The following DNAJA2 variants were observed in gnomAD, a reference collection of about 807,000 sequenced individuals.
DNAJA2 encodes dnaJ homolog subfamily A member 2.
A neutral mutation model predicts 49.3 loss-of-function variants in DNAJA2; 6 were observed. That is an observed-to-expected ratio of 0.12 (90% confidence interval 0.07 to 0.24). DNAJA2 has a LOEUF of 0.24. DNAJA2 is among the 10% of genes least tolerant of loss of function. The pLI, the probability that DNAJA2 is intolerant of heterozygous loss-of-function variation, is 1.00. For synonymous variants in DNAJA2, 160 were observed against 172.7 expected (o/e 0.93, Z 0.58); for missense variants, 347 against 516.8 (o/e 0.67, Z 3.19).
rs1282161816 is a variant in DNAJA2, at chr16:46,959,135, T to G, written c.920-5A>C. The G allele has an allele frequency of 6.3e-7, 1 of 1,593,480 alleles. No individual in the cohort carries two copies. ...CTCGAACTACACGAACACACCCTAT[T>G]ATTTAAGAGGAAATGATTAATAATT... On this transcript the variant is annotated splice_region_variant and splice_polypyrimidine_tract_variant and intron_variant, in intron 7 of 8. Coordinates refer to ENST00000317089, the MANE Select transcript of DNAJA2 (RefSeq NM_005880.4).
At chr16:46,963,695 C>G (rs1284263397) in intron 6 of DNAJA2, among the ~76,000 whole-genome samples, 1 of 151,998 alleles carries the variant, frequency 6.6e-6, no homozygotes, top group Non-Finnish European at 1.5e-5. Context: ...GCAAGACCAT[C>G]TCAAAAACAA....
In DNAJA2 at chr16:46,955,866, CTTATT is replaced by C. The variant is rs1017863190; in HGVS notation, c.*1158_*1162del. 3.3e-5 allele frequency: 5 copies of C among 150,190 alleles called. No individual in the cohort carries two copies. Among genetic ancestry groups the C allele is most frequent in the East Asian group, 1.9e-4 (1 of 5,164 alleles). The allele number at this position is 150,190 out of a possible 1,614,324, so 9.3% of individuals were successfully genotyped here. ...TTCTCAAACCAGCCTTTTTTTTTTG[CTTATT>C]TTTAGTTTGAAATATAAATAACTAC... On this transcript the variant is annotated 3_prime_UTR_variant, in exon 9 of 9. Coordinates refer to ENST00000317089, the MANE Select transcript of DNAJA2 (RefSeq NM_005880.4).
chr16:46,971,654 T>G, intron 2 of DNAJA2, 82 bp from the exon 3 acceptor site: 1 of 406,114 alleles, frequency 2.5e-6, no homozygotes, highest in Non-Finnish European at 3.9e-6. Context: ...CAGAATCCAT[T>G]TAATTCTAAA....
intron 5 of DNAJA2, among the ~76,000 whole-genome samples, chr16:46,965,360 G>A (rs1465969171): frequency 6.6e-6 from 1 of 152,030 alleles, no homozygotes; most frequent in Non-Finnish European, 1.5e-5. Flanking sequence ...TATAATTATG[G>A]TATTAAAAAG....
chr16:46,968,205 T>C, intron 3 of DNAJA2, 41 bp from the exon 4 acceptor site: 1 of 1,440,244 alleles, frequency 6.9e-7, no homozygotes, highest in Non-Finnish European at 9.5e-7. Context: ...TTTTGCCACA[T>C]TTTGTCAAAT....
intron 4 of DNAJA2, 109 bp from the exon 5 acceptor site, chr16:46,967,755 T>C: frequency 1.4e-6 from 2 of 1,413,866 alleles, no homozygotes; most frequent in Non-Finnish European, 1.9e-6. Flanking sequence ...CAATAACTTG[T>C]ATTTAAATTG....
intron 6 of DNAJA2, 21 bp from the exon 7 acceptor site, chr16:46,959,440 A>G: frequency 6.3e-7 from 1 of 1,595,754 alleles, no homozygotes; most frequent in Non-Finnish European, 8.6e-7. Context: ...AGCACAAAAG[A>G]AATACATTTT....
chr16:46,964,227 C>A (rs1205939713), intron 6 of DNAJA2, among the ~76,000 whole-genome samples: 7 of 152,082 alleles, frequency 4.6e-5, no homozygotes, highest in African/African-American at 7.2e-5. Flanking sequence ...TAAAAATTAG[C>A]CAGGAGTGAA....
rs372223991 is a variant in DNAJA2, at chr16:46,964,784, G to A, written c.601C>T (p.Arg201Cys). The change falls in exon 6 of 9, where the codon CGC (arginine) becomes TGC (cysteine). Residue 201 changes from arginine (R) to cysteine (C), a missense_variant. Arg to Cys is a radical substitution (Grantham distance 180). Transcript: ENST00000317089. ...GEGEVINEKDRCKKCEGKKVI... is the reference protein window; with the variant it reads ...GEGEVINEKDCCKKCEGKKVI... ...TTCTTCCCTTCACATTTTTTACAGC[G>A]GTCTTTTTCATTAATTACCTCTCCT... The A allele has an allele frequency of 2.3e-5, 37 of 1,613,412 alleles. No individual in the cohort carries two copies. Among genetic ancestry groups the A allele is most frequent in the Admixed American group, 3.3e-5 (2 of 59,902 alleles).
chr16:46,959,177 T>C lies in DNAJA2; in HGVS notation c.920-47A>G, dbSNP rs1274433287. On this transcript the variant is annotated intron_variant, in intron 7 of 8. Coordinates refer to ENST00000317089, the MANE Select transcript of DNAJA2 (RefSeq NM_005880.4). ...TTAATAATTTTACCCAAAAGAGGTG[T>C]TCAATTTTTTTTAGAGTTATGCAGT... is the stretch of plus-strand genomic sequence containing the variant. 6 of 1,573,750 alleles carry C rather than the reference T, an allele frequency of 3.8e-6. No individual in the cohort carries two copies. In the Admixed American group the frequency reaches 9.7e-5, roughly 25 times the overall value.
At chr16:46,969,968 G>T (rs974010417) in intron 3 of DNAJA2, among the ~76,000 whole-genome samples, 1 of 152,172 alleles carries the variant, frequency 6.6e-6, no homozygotes, top group African/African-American at 2.4e-5. Flanking sequence ...CATTGGAATG[G>T]TATCCAAATG....
intron 5 of DNAJA2, among the ~76,000 whole-genome samples, chr16:46,967,279 T>C (rs1401708870): frequency 6.6e-6 from 1 of 151,984 alleles, no homozygotes. Flanking sequence ...TTTTTTCCTA[T>C]AGTAATGAGG....
At chr16:46,957,527 T>C (rs12719759) in intron 8 of DNAJA2, among the ~76,000 whole-genome samples, 130,068 of 151,818 alleles carry the variant, frequency 0.86, 57,263 homozygotes, top group East Asian at 0.98. Flanking sequence ...CGCTTGAACC[T>C]GGGAGGTGGA....
Position 46,973,653 on chromosome 16 carries a change from G to C in DNAJA2, c.-81C>G, listed in dbSNP as rs1555489501. 2.7e-6 allele frequency: 4 copies of C among 1,456,070 alleles called. 1 individual carries two copies. Among genetic ancestry groups the C allele is most frequent in the Middle Eastern group, 3.5e-4 (2 of 5,654 alleles). 90.2% of individuals were successfully genotyped at this position (1,456,070 alleles called of 1,614,324 possible). On this transcript the variant is annotated 5_prime_UTR_variant, in exon 1 of 9. Transcript: ENST00000317089. ...CGGGCCCACAAGCGGCGTCGGCGGC[G>C]GCACAGGCCGAGGGAGACAGCGAGG...
At chr16:46,966,698 C>T (rs1158988005) in intron 5 of DNAJA2, among the ~76,000 whole-genome samples, 2 of 152,124 alleles carry the variant, frequency 1.3e-5, no homozygotes, top group Admixed American at 1.3e-4. Context: ...AACTATTTGG[C>T]CCACAAAGAC....
chr16:46,965,444 G>A (rs903341233), intron 5 of DNAJA2, among the ~76,000 whole-genome samples: 1 of 152,178 alleles, frequency 6.6e-6, no homozygotes, highest in Admixed American at 6.5e-5. Flanking sequence ...CAGCACATTT[G>A]AAGGCTTAGA....
rs771871433 is a variant in DNAJA2, at chr16:46,959,383, A to G, written c.811T>C (p.Tyr271His). 5 of 1,613,598 alleles carry G rather than the reference A, an allele frequency of 3.1e-6. No homozygotes were observed. The highest frequency in any genetic ancestry group is 8.5e-7 in the Non-Finnish European group (1 of 1,179,672). Residue 271 changes from tyrosine (Y) to histidine (H), a missense_variant, in exon 7 of 9, where the codon TAT becomes CAT. Coordinates refer to ENST00000317089, the MANE Select transcript of DNAJA2 (RefSeq NM_005880.4). The part of the protein sequence containing the change: ...QRDGNDLHMT[Y>H]KIGLVEALCG... ...AGAGCTTCAACAAGTCCTATTTTAT[A>G]TGTCATGTGCAAATCATTCCCATCT... is the stretch of plus-strand genomic sequence containing the variant.
At chr16:46,973,280 C>A (rs1266344403) in intron 1 of DNAJA2, among the ~76,000 whole-genome samples, 2 of 151,316 alleles carry the variant, frequency 1.3e-5, no homozygotes, top group Non-Finnish European at 2.9e-5. Context: ...GCTGCATCTG[C>A]GGGCGGGCGG....
chr16:46,957,092 A>T lies in DNAJA2; in HGVS notation c.1176T>A (p.Asn392Lys). The change falls in exon 9 of 9, where the codon AAT becomes AAA. Residue 392 changes from asparagine to lysine, a missense_variant. Physicochemically the swap from Asn to Lys is moderately conservative, Grantham distance 94. Transcript: ENST00000317089. The part of the protein sequence containing the change: ...SGGGQRREAY[N>K]DSSDEESSSH... The stretch of plus-strand genomic sequence containing the variant: ...TGCTGCTTTCTTCATCAGAGCTATC[A>T]TTATAGGCTTCACGCCTCTGACCAC... The T allele has an allele frequency of 6.2e-7, 1 of 1,614,198 alleles. No homozygotes were observed. The highest frequency in any genetic ancestry group is 8.5e-7 in the Non-Finnish European group (1 of 1,180,054).
Sources: gnomAD v4.1 joint callset for allele counts (sites outside exome capture counted in the v4.1 genomes callset) on GRCh38, gnomAD v4.1.1 for gene constraint, MANE v1.5 for transcripts, NCBI Gene and HGNC (gene_info 2026-07-23, HGNC 2026-07-21) for gene names.